The following YWHAH variants were observed in gnomAD, a reference collection of about 807,000 sequenced individuals.
YWHAH encodes the protein 14-3-3 protein eta.
A neutral mutation model predicts 22.9 loss-of-function variants in YWHAH; 6 were observed. The observed-to-expected ratio is 0.26, with a 90% CI of 0.14 to 0.52. YWHAH has a LOEUF of 0.52. Among genes scored for constraint, YWHAH ranks in the 20% least tolerant of loss-of-function variants. The pLI is 0.97. For synonymous variants in YWHAH, 135 were observed against 124.5 expected (o/e 1.08, Z -0.56); for missense variants, 173 against 308.6 (o/e 0.56, Z 3.29).
At chr22:31,951,833 A>G (rs2093843699) in intron 1 of YWHAH, among the ~76,000 whole-genome samples, 2 of 152,200 alleles carry the variant, frequency 1.3e-5, no homozygotes, top group Non-Finnish European at 2.9e-5. Context: ...AGGGAAGTCC[A>G]ATCCTTAAAA....
In YWHAH at chr22:31,956,396, C is replaced by G; in HGVS notation, c.345C>G (p.Phe115Leu). The G allele has an allele frequency of 6.2e-7, 1 of 1,614,122 alleles. No individual in the cohort carries two copies. The highest frequency in any genetic ancestry group is 8.5e-7 in the Non-Finnish European group (1 of 1,180,030). ...TCCTGATCAAGAACTGCAATGATTT[C>G]CAGTATGAGAGCAAGGTGTTTTACC... ...DKFLIKNCND[F>L]QYESKVFYLK... Residue 115 changes from phenylalanine to leucine, a missense_variant, in exon 2 of 2, where the codon TTC becomes TTG. Coordinates refer to ENST00000248975, the MANE Select transcript of YWHAH (RefSeq NM_003405.4). The surrounding 1 kb of genome is among the most constrained non-coding windows in gnomAD (Gnocchi z 5.1).
rs765821071 is a variant in YWHAH, at chr22:31,956,324, G to C, written c.273G>C (p.Lys91Asn). ...AAGCTTACCGGGAGAAGATTGAGAAGGAGCTGGAGACAGTTTGCAATGATG... is the reference window on the plus strand; with the variant it reads ...AAGCTTACCGGGAGAAGATTGAGAACGAGCTGGAGACAGTTTGCAATGATG... The part of the protein sequence containing the change: ...KVKAYREKIE[K>N]ELETVCNDVL... Residue 91 changes from lysine (K) to asparagine (N), a missense_variant, in exon 2 of 2, where the codon AAG (lysine) becomes AAC (asparagine). Coordinates refer to ENST00000248975, the MANE Select transcript of YWHAH (RefSeq NM_003405.4). The surrounding 1 kb of genome is among the most constrained non-coding windows in gnomAD (Gnocchi z 5.1). 3 of 1,614,186 alleles carry C rather than the reference G, an allele frequency of 1.9e-6. No individual in the cohort carries two copies. The highest frequency in any genetic ancestry group is 2.5e-6 in the Non-Finnish European group (3 of 1,180,040).
chr22:31,953,341 A>G (rs911509822), intron 1 of YWHAH, among the ~76,000 whole-genome samples: 1 of 152,210 alleles, frequency 6.6e-6, no homozygotes, highest in East Asian at 1.9e-4. Flanking sequence ...GAAATTTATC[A>G]GAATATTTGG....
At position 31,944,679 on chromosome 22, in the gene YWHAH, G is replaced by A; in HGVS notation, c.-55G>A. The A allele has an allele frequency of 2.4e-6, 3 of 1,262,024 alleles. No individual in the cohort carries two copies. The highest frequency in any genetic ancestry group is 3.0e-6 in the Non-Finnish European group (3 of 991,220). The allele number at this position is 1,262,024 out of a possible 1,614,324, so 78.2% of individuals were successfully genotyped here. ...GACCGGGGAGCGGACTGACCGGCGG[G>A]AGGGCTAGCGAGCCAGCGGTGTGAG... is the stretch of plus-strand genomic sequence containing the variant. On this transcript the variant is annotated 5_prime_UTR_variant, in exon 1 of 2. Coordinates refer to ENST00000248975, the MANE Select transcript of YWHAH (RefSeq NM_003405.4).
intron 1 of YWHAH, among the ~76,000 whole-genome samples, chr22:31,955,234 T>G (rs1379176195): frequency 1.3e-5 from 2 of 152,152 alleles, no homozygotes; most frequent in African/African-American, 2.4e-5. Flanking sequence ...GGGTTCCATG[T>G]GTAGCCACAC....
intron 1 of YWHAH, chr22:31,945,121 G>A: frequency 4.6e-6 from 5 of 1,077,578 alleles, no homozygotes; most frequent in Non-Finnish European, 5.6e-6. Context: ...GCCGGGGGCA[G>A]AGGGTGCCCT....
intron 1 of YWHAH, chr22:31,945,070 G>A (rs2093831730): frequency 4.5e-6 from 5 of 1,104,278 alleles, no homozygotes; most frequent in Non-Finnish European, 3.3e-6. Context: ...CCGGAAGGGG[G>A]GCGGGCCGGT....
chr22:31,952,404 GTC>G (rs1665605171), intron 1 of YWHAH, among the ~76,000 whole-genome samples: 2 of 152,170 alleles, frequency 1.3e-5, no homozygotes, highest in Admixed American at 1.3e-4. Flanking sequence ...TTAATGGACT[GTC>G]TGATTTTACA....
intron 1 of YWHAH, among the ~76,000 whole-genome samples, chr22:31,948,254 CTGT>C (rs1206564298): frequency 6.6e-6 from 1 of 152,128 alleles, no homozygotes; most frequent in Admixed American, 6.5e-5. Context: ...TGGCAAAAGG[CTGT>C]TGTTGCAACA....
At chr22:31,947,781 A>G (rs1004063467) in intron 1 of YWHAH, among the ~76,000 whole-genome samples, 4 of 152,240 alleles carry the variant, frequency 2.6e-5, no homozygotes, top group Admixed American at 1.3e-4. Flanking sequence ...ATAAACCTAT[A>G]AAGTGGGATT....
chr22:31,952,776 C>T (rs1902851569), intron 1 of YWHAH, among the ~76,000 whole-genome samples: 2 of 152,146 alleles, frequency 1.3e-5, no homozygotes, highest in South Asian at 2.1e-4. Context: ...CAGCTTATTC[C>T]TGATGGAGAA....
Position 31,956,571 on chromosome 22 carries a change from G to A in YWHAH, c.520G>A (p.Gly174Ser). Reference protein sequence around the residue: ...QMQPTHPIRLGLALNFSVFYY... With the variant: ...QMQPTHPIRLSLALNFSVFYY... ...GCAACCCACGCATCCCATCCGGCTG[G>A]GCCTGGCCCTCAACTTCTCCGTGTT... Residue 174 changes from glycine (G) to serine (S), a missense_variant, in exon 2 of 2, where the codon GGC becomes AGC. Coordinates refer to ENST00000248975, the MANE Select transcript of YWHAH (RefSeq NM_003405.4). This position sits in a 1 kb window ranked among gnomAD's most constrained non-coding sequence, Gnocchi z 5.1. 1 of 1,614,114 alleles carries A rather than the reference G, an allele frequency of 6.2e-7. No individual in the cohort carries two copies. Among genetic ancestry groups the A allele is most frequent in the Non-Finnish European group, 8.5e-7 (1 of 1,180,012 alleles).
intron 1 of YWHAH, among the ~76,000 whole-genome samples, chr22:31,947,943 G>C (rs1006937785): frequency 6.6e-6 from 1 of 152,162 alleles, no homozygotes; most frequent in African/African-American, 2.4e-5. Context: ...TAACTGTAAA[G>C]TTATCAAATG....
chr22:31,946,642 C>G (rs965592983), intron 1 of YWHAH, among the ~76,000 whole-genome samples: 1 of 152,120 alleles, frequency 6.6e-6, no homozygotes, highest in Non-Finnish European at 1.5e-5. Flanking sequence ...AAGGTGTGTT[C>G]TGGAACAATC....
At chr22:31,946,271 C>A (rs1048985494) in intron 1 of YWHAH, among the ~76,000 whole-genome samples, 3 of 152,144 alleles carry the variant, frequency 2.0e-5, no homozygotes, top group Non-Finnish European at 4.4e-5. Context: ...GGAGGCTGAA[C>A]TTTATGTAAT....
intron 1 of YWHAH, chr22:31,945,718 G>C: frequency 2.5e-6 from 3 of 1,223,258 alleles, no homozygotes; most frequent in Non-Finnish European, 3.1e-6. Context: ...AGGTCACACA[G>C]TGGTAGAACA....
intron 1 of YWHAH, among the ~76,000 whole-genome samples, chr22:31,949,515 G>C (rs555535881): frequency 4.6e-4 from 67 of 146,650 alleles, no homozygotes; most frequent in African/African-American, 1.7e-3. Context: ...TTTTTTGGTG[G>C]GGGGGGGAGT....
chr22:31,949,702 C>G (rs1014853923), intron 1 of YWHAH, among the ~76,000 whole-genome samples: 1 of 152,162 alleles, frequency 6.6e-6, no homozygotes, highest in African/African-American at 2.4e-5. Context: ...ACTGTTACTC[C>G]CCTTTACAAA....
At position 31,956,246 on chromosome 22, in the gene YWHAH, C is replaced by T; in HGVS notation, c.195C>T (p.Ser65=). The change falls in exon 2 of 2, where the codon AGC becomes AGT. Residue 65 remains serine, a synonymous_variant. Coordinates refer to ENST00000248975, the MANE Select transcript of YWHAH (RefSeq NM_003405.4). This position sits in a 1 kb window ranked among gnomAD's most constrained non-coding sequence, Gnocchi z 5.1. ...GATCTTCCTGGAGGGTCATTAGCAG[C>T]ATTGAGCAGAAAACCATGGCTGATG... The part of the protein sequence containing the change: ...ARRSSWRVIS[S]IEQKTMADGN... 2 of 1,614,054 alleles carry T rather than the reference C, an allele frequency of 1.2e-6. No homozygotes were observed. Among genetic ancestry groups the T allele is most frequent in the Non-Finnish European group, 1.7e-6 (2 of 1,180,024 alleles).
Sources: gnomAD v4.1 joint callset for allele counts (sites outside exome capture counted in the v4.1 genomes callset) on GRCh38, gnomAD v4.1.1 for gene constraint, Gnocchi (gnomAD v3.1) non-coding constraint, MANE v1.5 for transcripts, NCBI Gene and HGNC (gene_info 2026-07-23, HGNC 2026-07-21) for gene names.